RRM1: variants seen among roughly 807,000 people sequenced by gnomAD.
RRM1 encodes ribonucleotide reductase catalytic subunit M1, also known as ribonucleoside-diphosphate reductase large subunit.
A neutral mutation model predicts 101.5 loss-of-function variants in RRM1; 19 were observed. That is an observed-to-expected ratio of 0.19 (90% CI 0.13 to 0.27). The LOEUF (loss-of-function observed/expected upper bound fraction) is 0.27. RRM1 is among the 10% of genes least tolerant of loss of function. The pLI, the probability that RRM1 is intolerant of heterozygous loss-of-function variation, is 1.00. For missense variants in RRM1, 500 were observed against 962.9 expected, an observed-to-expected ratio of 0.52 and a Z score of 6.36; for synonymous variants, 298 against 323.4, an observed-to-expected ratio of 0.92 and a Z score of 0.84.
chr11:4,130,781 G>A (rs767678142), intron 15 of RRM1, among the ~76,000 whole-genome samples: 1 of 152,116 alleles, frequency 6.6e-6, no homozygotes, highest in African/African-American at 2.4e-5. Context: ...TCTACCTAAT[G>A]TTTTTAATTA....
intron 4 of RRM1, among the ~76,000 whole-genome samples, chr11:4,107,987 T>C (rs2094560549): frequency 6.6e-6 from 1 of 152,224 alleles, no homozygotes; most frequent in Admixed American, 6.5e-5. Flanking sequence ...GTGAATATTC[T>C]TGTATGGTAG....
chr11:4,119,605 T>A (rs1358499039), intron 8 of RRM1: 1 of 441,396 alleles, frequency 2.3e-6, no homozygotes, highest in Non-Finnish European at 4.1e-6. Flanking sequence ...CTGTAATTGT[T>A]ACATCTCATT....
chr11:4,109,539 T>G, intron 4 of RRM1, 105 bp from the exon 5 acceptor site: 1 of 744,352 alleles, frequency 1.3e-6, no homozygotes, highest in South Asian at 1.9e-5. Flanking sequence ...TCTCATTGTA[T>G]CCTGTGTTGA....
intron 5 of RRM1, 74 bp from the exon 6 acceptor site, chr11:4,111,519 GATTGCCTT>G (rs889449370): frequency 1.2e-6 from 1 of 818,206 alleles, no homozygotes; most frequent in African/African-American, 1.7e-5. Flanking sequence ...GATTTAAAGA[GATTGCCTT>G]ATTGTGGATG....
intron 7 of RRM1, 101 bp from the exon 8 acceptor site, chr11:4,118,217 ACT>A (rs201705738): frequency 1.8e-6 from 2 of 1,108,166 alleles, no homozygotes; most frequent in Non-Finnish European, 2.6e-6. Flanking sequence ...CTAAACTTCA[ACT>A]CTTTTTTTTT....
intron 11 of RRM1, among the ~76,000 whole-genome samples, chr11:4,122,841 C>T (rs190840865): frequency 6.5e-4 from 99 of 151,292 alleles, no homozygotes; most frequent in African/African-American, 2.4e-3. Flanking sequence ...CCACTGCACT[C>T]CAGCCTGGGT....
At chr11:4,129,363 C>A (rs1028717638) in intron 15 of RRM1, among the ~76,000 whole-genome samples, 1 of 152,100 alleles carries the variant, frequency 6.6e-6, no homozygotes. Flanking sequence ...GAAAGCATTT[C>A]AGTACCTGGT....
Position 4,118,310 on chromosome 11 carries a change from TCCCCCGTAG to T in RRM1, c.651-8_651del. On this transcript the variant is annotated splice_acceptor_variant and splice_polypyrimidine_tract_variant and intron_variant, in intron 7 of 18. Coordinates refer to ENST00000300738, the MANE Select transcript of RRM1 (RefSeq NM_001033.5). LOFTEE classifies it high-confidence loss of function. ...CCTTGCTCTAAGTTGAGACATTTTT[TCCCCCGTAG>T]CTGTTTTCTTCTGAGTATGAAAGAT... 6.2e-7 allele frequency: 1 copy of T among 1,608,568 alleles called. No individual in the cohort carries two copies. The highest frequency in any genetic ancestry group is 8.5e-7 in the Non-Finnish European group (1 of 1,176,466).
intron 5 of RRM1, among the ~76,000 whole-genome samples, chr11:4,110,589 G>A (rs2094563979): frequency 1.3e-5 from 2 of 151,846 alleles, no homozygotes; most frequent in Admixed American, 1.3e-4. Context: ...GCCACGTGGC[G>A]AAATGCCTTC....
At chr11:4,130,065 T>TA (rs200807972) in intron 15 of RRM1, among the ~76,000 whole-genome samples, 38,105 of 89,376 alleles carry the variant, frequency 0.43, 9,657 homozygotes, top group Non-Finnish European at 0.52. Context: ...CTGTACTGTA[T>TA]TTATATATAT....
chr11:4,118,239 T>G, intron 7 of RRM1, 81 bp from the exon 8 acceptor site: 1 of 1,296,300 alleles, frequency 7.7e-7, no homozygotes, highest in Non-Finnish European at 1.1e-6. Flanking sequence ...TTTTTTGCCT[T>G]AGTGTCTTTG....
intron 17 of RRM1, among the ~76,000 whole-genome samples, chr11:4,133,980 ATT>A (rs34715101): frequency 6.6e-4 from 60 of 90,856 alleles, no homozygotes; most frequent in South Asian, 1.2e-3. Flanking sequence ...CCAGACATCA[ATT>A]TTTTTTTTTT....
At chr11:4,103,035 T>G (rs1420897151) in intron 2 of RRM1, among the ~76,000 whole-genome samples, 2 of 152,214 alleles carry the variant, frequency 1.3e-5, no homozygotes, top group African/African-American at 4.8e-5. Flanking sequence ...TATTTCCGTC[T>G]CCTTATTTAG....
chr11:4,101,364 A>G (rs866960954), intron 1 of RRM1, among the ~76,000 whole-genome samples: 3 of 151,602 alleles, frequency 2.0e-5, no homozygotes, highest in Non-Finnish European at 4.4e-5. Flanking sequence ...CCAGGCTGGA[A>G]TGCAATGGCG....
At chr11:4,124,376 T>TA (rs1226850184) in intron 12 of RRM1, among the ~76,000 whole-genome samples, 1 of 150,656 alleles carries the variant, frequency 6.6e-6, no homozygotes, top group African/African-American at 2.4e-5. Flanking sequence ...TCTAGGACCT[T>TA]AAAAAAAAAG....
At chr11:4,127,578 G>T (rs1252375058) in intron 14 of RRM1, among the ~76,000 whole-genome samples, 1 of 152,128 alleles carries the variant, frequency 6.6e-6, no homozygotes, top group Admixed American at 6.6e-5. Context: ...GTTATAAGAG[G>T]CAAGGAACAG....
At position 4,133,595 on chromosome 11, in the gene RRM1, C is replaced by T. The variant is rs571938387; in HGVS notation, c.1938C>T (p.Thr646=). Residue 646 remains threonine, a synonymous_variant, in exon 17 of 19, where the codon ACC becomes ACT. Transcript: ENST00000300738. ...ATCCTCACTTATTGAAAGATCTTAC[C>T]GAGCGGGGCCTATGGCATGAAGAGA... ...IVNPHLLKDL[T]ERGLWHEEMK... is the part of the protein sequence containing the mutation. 7.0e-5 allele frequency: 112 copies of T among 1,610,958 alleles called. No homozygotes were observed. Among genetic ancestry groups the T allele is most frequent in the African/African-American group, 1.1e-4 (8 of 74,870 alleles).
At chr11:4,118,756 A>G (rs542653349) in intron 8 of RRM1, among the ~76,000 whole-genome samples, 1 of 152,276 alleles carries the variant, frequency 6.6e-6, no homozygotes, top group African/African-American at 2.4e-5. Flanking sequence ...ACTGTATGTT[A>G]AGTTTGTTAT....
intron 17 of RRM1, among the ~76,000 whole-genome samples, chr11:4,134,761 CCTTT>C (rs2094606135): frequency 6.6e-6 from 1 of 152,144 alleles, no homozygotes; most frequent in African/African-American, 2.4e-5. Context: ...TCTGACTTTT[CCTTT>C]CTTTAAGTGC....
Sources: gnomAD v4.1 joint callset for allele counts (sites outside exome capture counted in the v4.1 genomes callset) on GRCh38, gnomAD v4.1.1 for gene constraint, MANE v1.5 for transcripts, NCBI Gene and HGNC (gene_info 2026-07-23, HGNC 2026-07-21) for gene names.